Variants in TESC observed in about 807,000 individuals in gnomAD.
The protein encoded by TESC is calcineurin B homologous protein 3.
A neutral mutation model predicts 31.0 loss-of-function variants in TESC; 19 were observed. That is an observed-to-expected ratio of 0.61 (90% CI 0.43 to 0.90). The LOEUF is 0.90. Among genes scored for constraint, TESC ranks in the 40% least tolerant of loss-of-function variants. The pLI, the probability that TESC is intolerant of heterozygous loss-of-function variation, is 0.00. For missense variants in TESC, 248 were observed against 303.8 expected, an observed-to-expected ratio of 0.82 and a Z score of 1.36; for synonymous variants, 109 against 114.8, an observed-to-expected ratio of 0.95 and a Z score of 0.32.
intron 3 of TESC, among the ~76,000 whole-genome samples, chr12:117,053,712 G>A (rs531213814): frequency 7.0e-4 from 106 of 152,134 alleles, no homozygotes; most frequent in African/African-American, 2.2e-3. Context: ...CCCCCTAAAC[G>A]TGCACACATG....
intron 3 of TESC, among the ~76,000 whole-genome samples, chr12:117,054,315 C>T (rs952786271): frequency 1.3e-5 from 2 of 152,050 alleles, no homozygotes; most frequent in African/African-American, 4.8e-5. Context: ...TCACCCACCC[C>T]CTCACACCCT....
At position 117,056,801 on chromosome 12, in the gene TESC, C is replaced by T. The variant is rs568290005; in HGVS notation, c.209+5G>A. The T allele has an allele frequency of 5.0e-6, 8 of 1,614,044 alleles. No homozygotes were observed. In the East Asian group the frequency reaches 1.1e-4, roughly 22 times the overall value. ...CACTGGGCTGGTTCAGGGGAAAACG[C>T]CCACCTGTTGTCGAAGAAGGCACGA... On this transcript the variant is annotated splice_donor_5th_base_variant and intron_variant, in intron 3 of 7. Transcript: ENST00000335209.
intron 1 of TESC, among the ~76,000 whole-genome samples, chr12:117,088,268 A>G (rs752649071): frequency 2.0e-5 from 3 of 152,328 alleles, no homozygotes; most frequent in Non-Finnish European, 4.4e-5. Context: ...AAAGATTTTG[A>G]GAGTGGGCGA....
chr12:117,049,037 G>A lies in TESC; in HGVS notation c.331C>T (p.Arg111Trp), dbSNP rs745683243. The change falls in exon 4 of 8, where the codon CGG becomes TGG. Residue 111 changes from arginine (R) to tryptophan (W), a missense_variant. Transcript: ENST00000335209. ...TMDEEQVELSRKEKLRFLFHM... is the reference protein window; with the variant it reads ...TMDEEQVELSWKEKLRFLFHM... The stretch of plus-strand genomic sequence containing the variant: ...CACGCACATCTCAGCTTCTCCTTCC[G>A]GGACAGCTCCACCTGTTCCTCGTCC... 108 of 1,614,064 alleles carry A rather than the reference G, an allele frequency of 6.7e-5. No homozygotes were observed. The highest frequency in any genetic ancestry group is 8.0e-5 in the African/African-American group (6 of 74,932).
chr12:117,062,905 A>G (rs115799497), intron 2 of TESC, among the ~76,000 whole-genome samples: 3,304 of 152,264 alleles, frequency 0.022, 55 homozygotes, highest in South Asian at 0.062. Context: ...GCCCTCAGCC[A>G]GAGCTGATTC....
chr12:117,069,209 G>T (rs1954930803), intron 2 of TESC, among the ~76,000 whole-genome samples: 1 of 151,884 alleles, frequency 6.6e-6, no homozygotes, highest in African/African-American at 2.4e-5. Flanking sequence ...TATACGATTT[G>T]GGGGTTCCCT....
At chr12:117,067,006 C>T (rs569710455) in intron 2 of TESC, among the ~76,000 whole-genome samples, 1 of 152,278 alleles carries the variant, frequency 6.6e-6, no homozygotes, top group East Asian at 1.9e-4. Flanking sequence ...CAAACTACCC[C>T]CTTGGTGGCT....
Position 117,062,637 on chromosome 12 carries a change from G to A in TESC, c.129-5751C>T, listed in dbSNP as rs192941074. 2.6e-3 allele frequency among the ~76,000 whole-genome samples: 400 copies of A among 152,248 alleles called. 1 individual carries two copies. The highest frequency in any genetic ancestry group is 8.0e-3 in the African/African-American group (333 of 41,552). ...ATGGTGGTTGGTGCCTGGCCTTCAG[G>A]GACTTTCCCTAAAACCTGCCAATGT... On this transcript the variant is annotated intron_variant, in intron 2 of 7. Transcript: ENST00000335209.
At chr12:117,081,992 A>T (rs540930923) in intron 1 of TESC, among the ~76,000 whole-genome samples, 8 of 151,032 alleles carry the variant, frequency 5.3e-5, no homozygotes, top group Admixed American at 4.0e-4. Context: ...GGGAAGCAGA[A>T]GTGGGAGGAT....
At chr12:117,058,149 G>C (rs1954753932) in intron 2 of TESC, among the ~76,000 whole-genome samples, 1 of 152,148 alleles carries the variant, frequency 6.6e-6, no homozygotes, top group South Asian at 2.1e-4. Flanking sequence ...GAATCCGGGA[G>C]GTGGAGGTTG....
rs573474022 is a variant in TESC, at chr12:117,051,480, T to C, written c.210-2322A>G. Among the ~76,000 whole-genome samples the C allele has an allele frequency of 3.3e-5, 5 of 152,242 alleles. No homozygotes were observed. In the South Asian group the frequency reaches 1.0e-3, roughly 32 times the overall value. On this transcript the variant is annotated intron_variant, in intron 3 of 7. Coordinates refer to ENST00000335209, the MANE Select transcript of TESC (RefSeq NM_017899.4). ...GTTTTCACAGGTCTCTCTTCTCTCT[T>C]TTATCGTATGAAGCTCCCCACCGCT...
chr12:117,096,174 C>T (rs569768527), intron 1 of TESC, among the ~76,000 whole-genome samples: 6 of 152,322 alleles, frequency 3.9e-5, no homozygotes, highest in Non-Finnish European at 7.4e-5. Flanking sequence ...GGATGGTGTT[C>T]TCAGAAAGGG....
intron 2 of TESC, among the ~76,000 whole-genome samples, chr12:117,061,469 T>C (rs1954800082): frequency 6.6e-6 from 1 of 151,798 alleles, no homozygotes. Context: ...AGAAACCACC[T>C]AGAAGAGCCT....
rs1456336053 is a variant in TESC at position 117,099,309 on chromosome 12, G to C, written c.-27C>G. 3 of 1,421,786 alleles carry C rather than the reference G, an allele frequency of 2.1e-6. No individual in the cohort carries two copies. Among genetic ancestry groups the C allele is most frequent in the Non-Finnish European group, 2.7e-6 (3 of 1,093,376 alleles). 88.1% of individuals were successfully genotyped at this position (1,421,786 alleles called of 1,614,324 possible). ...GTGCCCGCGGCGGGGGCCCCGGGGCGCGCGTCCCTCTCAGGCCCCGCACTG... is the reference window on the plus strand; with the variant it reads ...GTGCCCGCGGCGGGGGCCCCGGGGCCCGCGTCCCTCTCAGGCCCCGCACTG... On this transcript the variant is annotated 5_prime_UTR_variant, in exon 1 of 8. Coordinates refer to ENST00000335209, the MANE Select transcript of TESC (RefSeq NM_017899.4).
chr12:117,047,344 A>T (rs1441365142), intron 4 of TESC, among the ~76,000 whole-genome samples: 1 of 151,860 alleles, frequency 6.6e-6, no homozygotes, highest in African/African-American at 2.4e-5. Flanking sequence ...GATGGCCGGG[A>T]GGGGGCCTCT....
At chr12:117,070,072 C>T (rs1276842188) in intron 2 of TESC, among the ~76,000 whole-genome samples, 1 of 152,168 alleles carries the variant, frequency 6.6e-6, no homozygotes, top group African/African-American at 2.4e-5. Context: ...GGAATGTCCC[C>T]AGAAAGAAAA....
intron 3 of TESC, among the ~76,000 whole-genome samples, chr12:117,056,111 G>C (rs1954720001): frequency 6.6e-6 from 1 of 152,100 alleles, no homozygotes; most frequent in Non-Finnish European, 1.5e-5. Context: ...AGCAGAGACA[G>C]GGTTTCACCA....
intron 3 of TESC, among the ~76,000 whole-genome samples, chr12:117,055,648 C>T (rs10850749): frequency 0.05 from 7,564 of 152,228 alleles, 368 homozygotes; most frequent in South Asian, 0.16. Flanking sequence ...TATGTCCCAT[C>T]GGTTCATTCA....
At chr12:117,046,932 T>A in intron 4 of TESC, 94 bp from the exon 5 acceptor site, 1 of 1,342,644 alleles carries the variant, frequency 7.4e-7, no homozygotes, top group Non-Finnish European at 1.0e-6. Flanking sequence ...AAGACACCAA[T>A]AACCAAACCT....
Sources: gnomAD v4.1 joint callset for allele counts (sites outside exome capture counted in the v4.1 genomes callset) on GRCh38, gnomAD v4.1.1 for gene constraint, MANE v1.5 for transcripts, NCBI Gene and HGNC (gene_info 2026-07-23, HGNC 2026-07-21) for gene names.